TPX2: variants seen among roughly 807,000 people sequenced by gnomAD.
The protein encoded by TPX2 is targeting protein for Xklp2.
A neutral mutation model predicts 93.6 loss-of-function variants in TPX2; 21 were observed. The ratio of observed to expected loss-of-function variants is 0.22; its 90% CI spans 0.16 to 0.32. TPX2 has a LOEUF of 0.32. Ranked by LOEUF, TPX2 falls within the 10% of genes least tolerant of loss-of-function variation. The probability of loss-of-function intolerance (pLI) is 1.00; values close to 1 mark genes in which losing one functional copy is unlikely to be tolerated. For synonymous variants in TPX2, 281 were observed against 298.3 expected, an observed-to-expected ratio of 0.94 and a Z score of 0.60; for missense variants, 776 against 871.1, an observed-to-expected ratio of 0.89 and a Z score of 1.37.
chr20:31,774,658 A>C (rs911357769), intron 7 of TPX2, among the ~76,000 whole-genome samples: 2 of 152,260 alleles, frequency 1.3e-5, no homozygotes. Flanking sequence ...GCAGCAAATG[A>C]AATGACAGGG....
chr20:31,794,413 C>G lies in TPX2; in HGVS notation c.1698C>G (p.Phe566Leu), dbSNP rs781287068. ...KELQKGEVPK[F>L]KALPLPHFDT... ...TTCTTTTCTGTTAGGTGCCCAAGTT[C>G]AAGGCACTTCCCTTGCCTCATTTTG... is the stretch of plus-strand genomic sequence containing the variant. The change falls in exon 15 of 18, where the codon TTC becomes TTG. Residue 566 changes from phenylalanine to leucine, a missense_variant. Coordinates refer to ENST00000300403, the MANE Select transcript of TPX2 (RefSeq NM_012112.5). The G allele has an allele frequency of 1.2e-6, 2 of 1,613,898 alleles. No homozygotes were observed. Among genetic ancestry groups the G allele is most frequent in the South Asian group, 2.2e-5 (2 of 91,008 alleles).
At chr20:31,777,900 C>T (rs569220442) in intron 9 of TPX2, among the ~76,000 whole-genome samples, 1 of 152,018 alleles carries the variant, frequency 6.6e-6, no homozygotes. Flanking sequence ...CCTCAGCCTC[C>T]CAAGTAGCTG....
rs138884952 is a variant in TPX2, at chr20:31,775,488, G to A, written c.609-379G>A. On this transcript the variant is annotated intron_variant, in intron 7 of 17. Coordinates refer to ENST00000300403, the MANE Select transcript of TPX2 (RefSeq NM_012112.5). ...CCTCCCAGGTTCAAGCAATTCTCTTGCCTCAGCCTCCCCAGTAGCTAGAAT... is the reference window on the plus strand; with the variant it reads ...CCTCCCAGGTTCAAGCAATTCTCTTACCTCAGCCTCCCCAGTAGCTAGAAT... 3.9e-3 allele frequency among the ~76,000 whole-genome samples: 587 copies of A among 151,954 alleles called. 4 individuals are homozygous for A. Among genetic ancestry groups the A allele is most frequent in the Non-Finnish European group, 6.8e-3 (463 of 67,970 alleles).
intron 8 of TPX2, among the ~76,000 whole-genome samples, chr20:31,776,323 A>G (rs1018266991): frequency 6.8e-6 from 1 of 147,464 alleles, no homozygotes; most frequent in Non-Finnish European, 1.5e-5. Context: ...CTCATGATCC[A>G]CCCGCCTCGG....
chr20:31,794,738 TA>T (rs764536957), intron 15 of TPX2, among the ~76,000 whole-genome samples, 190 bp downstream of exon 15: 60 of 151,372 alleles, frequency 4.0e-4, no homozygotes, highest in Non-Finnish European at 7.8e-4. Flanking sequence ...GTAGGTTACA[TA>T]TGGTCTCTGT....
chr20:31,794,256 G>C (rs2062120900), intron 14 of TPX2, 146 bp from the exon 15 acceptor site: 11 of 1,212,720 alleles, frequency 9.1e-6, no homozygotes, highest in East Asian at 2.5e-5. Flanking sequence ...GGAAAGCCTA[G>C]ATTTCCTTTT....
At chr20:31,768,467 A>G (rs1265283028) in intron 5 of TPX2, among the ~76,000 whole-genome samples, 4 of 146,174 alleles carry the variant, frequency 2.7e-5, no homozygotes, top group East Asian at 2.0e-4. Flanking sequence ...GGATGGTCTC[A>G]ATCTCCTGAC....
At position 31,792,814 on chromosome 20, in the gene TPX2, C is replaced by G. The variant is rs2062110767; in HGVS notation, c.1493C>G (p.Pro498Arg). The G allele has an allele frequency of 6.2e-7, 1 of 1,614,140 alleles. No individual in the cohort carries two copies. The highest frequency in any genetic ancestry group is 8.5e-7 in the Non-Finnish European group (1 of 1,180,026). ...AFALKNRIRM[P>R]TKEDEEEDEP... ...GCATTGAAGAACAGAATTCGAATGC[C>G]CACCAAAGAAGATGAGGTGATTCCC... The change falls in exon 13 of 18, where the codon CCC becomes CGC. Residue 498 changes from proline (P) to arginine (R), a missense_variant. This residue lies in a region of TPX2 where 461 missense variants were observed against 551.2 expected (regional missense o/e 0.84). Transcript: ENST00000300403.
At chr20:31,769,050 A>C (rs1287234075) in intron 5 of TPX2, among the ~76,000 whole-genome samples, 1 of 152,204 alleles carries the variant, frequency 6.6e-6, no homozygotes, top group African/African-American at 2.4e-5. Context: ...TCACATACAT[A>C]AAGTTGAGTG....
chr20:31,778,753 T>TA, intron 9 of TPX2, 60 bp from the exon 10 acceptor site: 1 of 1,452,072 alleles, frequency 6.9e-7, no homozygotes, highest in Non-Finnish European at 9.2e-7. Flanking sequence ...ATATGTGGCT[T>TA]ATGGTAGATG....
intron 7 of TPX2, among the ~76,000 whole-genome samples, chr20:31,773,870 ATT>A (rs530579680): frequency 6.3e-5 from 9 of 142,178 alleles, no homozygotes; most frequent in Admixed American, 1.4e-4. Context: ...GAACATTTGG[ATT>A]TTTTTTTTTT....
At chr20:31,789,545 A>G (rs1282011592) in intron 12 of TPX2, among the ~76,000 whole-genome samples, 1 of 152,238 alleles carries the variant, frequency 6.6e-6, no homozygotes, top group African/African-American at 2.4e-5. Context: ...GGAAGACAAA[A>G]GAATGCAAAT....
chr20:31,797,600 T>A lies in TPX2; in HGVS notation c.1945+85T>A. ...GCTGGAATTCAGTGTGTCAGTACAA[T>A]GCTGTGTCAACTAGAAGCATTTGAC... On this transcript the variant is annotated intron_variant, in intron 16 of 17. Transcript: ENST00000300403. 2.5e-6 allele frequency: 3 copies of A among 1,214,918 alleles called. No individual in the cohort carries two copies. The South Asian group carries it at 4.0e-5, about 16-fold the overall frequency. 75.3% of individuals were successfully genotyped at this position (1,214,918 alleles called of 1,614,324 possible). A position where few individuals can be genotyped will look rare whatever the true frequency, so the allele number is the denominator to read the frequency against.
intron 17 of TPX2, among the ~76,000 whole-genome samples, chr20:31,799,591 T>C (rs977761057): frequency 2.4e-4 from 37 of 151,914 alleles, no homozygotes; most frequent in African/African-American, 8.9e-4. Flanking sequence ...AAATATACAG[T>C]GTTATCTGTC....
intron 7 of TPX2, among the ~76,000 whole-genome samples, chr20:31,774,901 G>A (rs1263834547): frequency 6.6e-6 from 1 of 152,074 alleles, no homozygotes; most frequent in Non-Finnish European, 1.5e-5. Context: ...CATTGCACTA[G>A]GCTTCTACTG....
rs777214825 is a variant in TPX2 at position 31,770,363 on chromosome 20, C to T, written c.377C>T (p.Ala126Val). 38 of 1,595,858 alleles carry T rather than the reference C, an allele frequency of 2.4e-5. No individual in the cohort carries two copies. The highest frequency in any genetic ancestry group is 3.2e-5 in the Non-Finnish European group (38 of 1,170,788). ...QPQRRSLRLS[A>V]QKDLEQKEKH... ...CATAGAAGATCTCTTAGGCTTTCTG[C>T]TCAGAAGGATTTGGAACAGAAAGAA... The change falls in exon 6 of 18, where the codon GCT becomes GTT. Residue 126 changes from alanine (A) to valine (V), a missense_variant. By Grantham distance (64) the Ala-to-Val change is moderately conservative. Around this residue, in one of 3 missense-constraint regions of TPX2, gnomAD observed 279 missense variants for 261.6 expected, o/e 1.07. Transcript: ENST00000300403.
In TPX2 at chr20:31,743,910, G is replaced by C. The variant is rs6060918; in HGVS notation, c.-71+1263G>C. On this transcript the variant is annotated intron_variant, in intron 2 of 17. Coordinates refer to ENST00000300403, the MANE Select transcript of TPX2 (RefSeq NM_012112.5). ...CTAATTTTGTATTTTTAACAGAGAT[G>C]GGGTTTCTCCATGTTGGTCAGGCTG... 1.8e-4 allele frequency among the ~76,000 whole-genome samples: 28 copies of C among 151,622 alleles called. 1 individual carries two copies. Among genetic ancestry groups the C allele is most frequent in the African/African-American group, 6.5e-4 (27 of 41,350 alleles).
chr20:31,741,731 G>A (rs2061754493), intron 1 of TPX2, among the ~76,000 whole-genome samples: 1 of 151,968 alleles, frequency 6.6e-6, no homozygotes, highest in South Asian at 2.1e-4. Context: ...TGCCTGCCTC[G>A]GCCTCCCAAA....
chr20:31,746,836 CT>C (rs1461205121), intron 2 of TPX2, among the ~76,000 whole-genome samples: 11 of 152,202 alleles, frequency 7.2e-5, no homozygotes, highest in Admixed American at 7.2e-4. Context: ...GGTTACATTG[CT>C]TTGTCTGCAA....
Sources: gnomAD v4.1 joint callset for allele counts (sites outside exome capture counted in the v4.1 genomes callset) on GRCh38, gnomAD v4.1.1 for gene constraint, gnomAD v4.1.1 regional missense constraint, MANE v1.5 for transcripts, NCBI Gene and HGNC (gene_info 2026-07-23, HGNC 2026-07-21) for gene names.